Variants in ADGRB3 observed in about 807,000 individuals in gnomAD.
The protein encoded by ADGRB3 is adhesion G protein-coupled receptor B3, also known as brain-specific angiogenesis inhibitor 3.
ADGRB3 carries 37 observed loss-of-function variants against 193.4 expected under a neutral mutation model. That is an observed-to-expected ratio of 0.19 (90% CI 0.15 to 0.25). ADGRB3 has a LOEUF of 0.25. ADGRB3 is among the 10% of genes least tolerant of loss of function. ADGRB3 has a pLI of 1.00. For synonymous variants in ADGRB3, 690 were observed against 644.2 expected (o/e 1.07, Z -1.08); for missense variants, 1,637 against 1,852.9 (o/e 0.88, Z 2.14).
At chr6:68,697,538 T>G (rs946739080) in intron 3 of ADGRB3, among the ~76,000 whole-genome samples, 5 of 151,934 alleles carry the variant, frequency 3.3e-5, no homozygotes, top group Admixed American at 1.3e-4. Flanking sequence ...TCATACTACT[T>G]ATCTTAATAA....
At chr6:68,962,141 C>T (rs1422636289) in intron 8 of ADGRB3, among the ~76,000 whole-genome samples, 1 of 152,134 alleles carries the variant, frequency 6.6e-6, no homozygotes, top group Non-Finnish European at 1.5e-5. Flanking sequence ...TGCCAAGTCA[C>T]TTCAGATAAA....
At chr6:68,872,048 A>G (rs967892214) in intron 3 of ADGRB3, among the ~76,000 whole-genome samples, 7 of 152,130 alleles carry the variant, frequency 4.6e-5, no homozygotes, top group Non-Finnish European at 8.8e-5. Context: ...TAAGTTATAA[A>G]TTAATTTTCT....
intron 29 of ADGRB3, among the ~76,000 whole-genome samples, chr6:69,365,848 C>T (rs1582659833): frequency 6.6e-6 from 1 of 152,106 alleles, no homozygotes; most frequent in South Asian, 2.1e-4. Context: ...ATTACAGGTG[C>T]CTCCCTTACA....
rs61114782 is a variant in ADGRB3, at chr6:69,106,164, T to TAAAAAA, written c.2480+30140_2480+30145dup. On this transcript the variant is annotated intron_variant, in intron 17 of 31. Coordinates refer to ENST00000370598, the MANE Select transcript of ADGRB3 (RefSeq NM_001704.3). The stretch of plus-strand genomic sequence containing the variant: ...ACAGGCTTTTTCTGTGAGACTGCGT[T>TAAAAAA]AAAAAAAAAAAAAAAAAAAGAAAAG... Among the ~76,000 whole-genome samples the TAAAAAA allele has an allele frequency of 3.3e-3, 303 of 91,044 alleles. 9 individuals carry two copies. The highest frequency in any genetic ancestry group is 3.6e-3 in the Non-Finnish European group (178 of 48,994). 59.7% of individuals were successfully genotyped at this position (91,044 alleles called of 152,430 possible).
At chr6:69,257,231 G>A (rs1307751913) in intron 20 of ADGRB3, among the ~76,000 whole-genome samples, 1 of 152,178 alleles carries the variant, frequency 6.6e-6, no homozygotes, top group Middle Eastern at 3.2e-3. Flanking sequence ...ATGAATTAGG[G>A]AGGATTCCCT....
chr6:69,274,939 C>T (rs1158547409), intron 20 of ADGRB3, among the ~76,000 whole-genome samples: 1 of 152,054 alleles, frequency 6.6e-6, no homozygotes, highest in Admixed American at 6.6e-5. Context: ...CCTCCTCATC[C>T]CTGTTTAGGA....
At chr6:68,822,169 C>A (rs552308812) in intron 3 of ADGRB3, among the ~76,000 whole-genome samples, 1 of 151,554 alleles carries the variant, frequency 6.6e-6, no homozygotes, top group Non-Finnish European at 1.5e-5. Flanking sequence ...GGATGACATT[C>A]GGAAAATAAA....
chr6:68,653,232 G>C (rs986867008), intron 3 of ADGRB3, among the ~76,000 whole-genome samples: 5 of 152,158 alleles, frequency 3.3e-5, no homozygotes, highest in African/African-American at 1.2e-4. Context: ...GCCTGTCTAT[G>C]ATGACTGTGA....
intron 17 of ADGRB3, among the ~76,000 whole-genome samples, chr6:69,131,208 G>A (rs1162828313): frequency 6.6e-6 from 1 of 152,040 alleles, no homozygotes; most frequent in Admixed American, 6.6e-5. Flanking sequence ...AGAAGTCAAA[G>A]CAAGTCATGA....
chr6:68,925,254 A>T lies in ADGRB3; in HGVS notation c.758-5305A>T, dbSNP rs151126403. The stretch of plus-strand genomic sequence containing the variant: ...AACTCTTACAAATTAGAAAGATACC[A>T]AAATCCTGACAATCTGGGCTGCTCT... On this transcript the variant is annotated intron_variant, in intron 3 of 31. Coordinates refer to ENST00000370598, the MANE Select transcript of ADGRB3 (RefSeq NM_001704.3). Among the ~76,000 whole-genome samples, 1,352 of 152,128 alleles carry T rather than the reference A, an allele frequency of 8.9e-3. 12 individuals carry two copies. The highest frequency in any genetic ancestry group is 0.013 in the Non-Finnish European group (865 of 67,886).
intron 3 of ADGRB3, among the ~76,000 whole-genome samples, chr6:68,857,255 G>A (rs1484930138): frequency 6.6e-6 from 1 of 152,194 alleles, no homozygotes; most frequent in East Asian, 1.9e-4. Context: ...TGTGAGAAGA[G>A]GGCCACTGTC....
At chr6:68,958,874 TGTGTG>T (rs1768154488) in intron 8 of ADGRB3, among the ~76,000 whole-genome samples, 1 of 51,998 alleles carries the variant, frequency 1.9e-5, no homozygotes, top group African/African-American at 6.5e-5. Flanking sequence ...AAAAATAGTG[TGTGTG>T]TGTGTGTGTG....
chr6:69,107,875 C>T (rs554124529), intron 17 of ADGRB3, among the ~76,000 whole-genome samples: 2 of 152,050 alleles, frequency 1.3e-5, no homozygotes, highest in South Asian at 4.1e-4. Context: ...CAACAGTAGA[C>T]ACTTGAGACT....
In ADGRB3 at chr6:69,370,944, A is replaced by G. The variant is rs574088313; in HGVS notation, c.4240-1462A>G. Among the ~76,000 whole-genome samples, 6 of 152,228 alleles carry G rather than the reference A, an allele frequency of 3.9e-5. No homozygotes were observed. The South Asian group carries it at 1.2e-3, about 32-fold the overall frequency. ...CCTGGTTTTTACACAGCACAGTTAG[A>G]TAACAATAGTGGCGGGGAGATGGCA... On this transcript the variant is annotated intron_variant, in intron 29 of 31. Transcript: ENST00000370598.
chr6:69,067,110 A>G (rs1057159695), intron 16 of ADGRB3, among the ~76,000 whole-genome samples: 30 of 152,124 alleles, frequency 2.0e-4, no homozygotes, highest in Middle Eastern at 6.3e-3. Context: ...TCCATTTCAA[A>G]TGGAAAGATA....
intron 10 of ADGRB3, among the ~76,000 whole-genome samples, chr6:68,991,011 A>G (rs1256761536): frequency 6.6e-6 from 1 of 151,994 alleles, no homozygotes; most frequent in Non-Finnish European, 1.5e-5. Flanking sequence ...ATATCCTGAG[A>G]CACCCCTGTG....
chr6:68,708,696 A>G (rs1204395464), intron 3 of ADGRB3, among the ~76,000 whole-genome samples: 1 of 152,208 alleles, frequency 6.6e-6, no homozygotes, highest in Admixed American at 6.5e-5. Context: ...GAATTATTTC[A>G]AGAGTAGCTA....
intron 17 of ADGRB3, among the ~76,000 whole-genome samples, chr6:69,115,037 C>T (rs1387511793): frequency 7.9e-5 from 12 of 152,216 alleles, no homozygotes; most frequent in Middle Eastern, 3.4e-3. Flanking sequence ...GACAGTGTGG[C>T]GATTCCTCAG....
At chr6:68,886,146 G>T (rs1345175576) in intron 3 of ADGRB3, among the ~76,000 whole-genome samples, 1 of 152,086 alleles carries the variant, frequency 6.6e-6, no homozygotes, top group Non-Finnish European at 1.5e-5. Context: ...GGAAATCTCA[G>T]AACCAGGAGC....
Sources: allele counts gnomAD v4.1 joint callset (sites outside exome capture counted in the v4.1 genomes callset), GRCh38; gene constraint gnomAD v4.1.1; transcripts MANE v1.5; gene names NCBI Gene and HGNC (gene_info 2026-07-23, HGNC 2026-07-21).